ATAD2B: variants seen among roughly 807,000 people sequenced by gnomAD.
ATAD2B encodes the protein ATPase family AAA domain-containing protein 2B.
A neutral mutation model predicts 167.6 loss-of-function variants in ATAD2B; 40 were observed. The observed-to-expected ratio is 0.24, with a 90% CI of 0.19 to 0.31. The LOEUF (loss-of-function observed/expected upper bound fraction) is 0.31, where lower values mean the gene tolerates loss of function less well. Ranked by LOEUF, ATAD2B falls within the 10% of genes least tolerant of loss-of-function variation. The probability of loss-of-function intolerance (pLI) is 1.00; values close to 1 mark genes in which losing one functional copy is unlikely to be tolerated. For synonymous variants in ATAD2B, 579 were observed against 596.5 expected (o/e 0.97, Z 0.43); for missense variants, 1,242 against 1,757.2 (o/e 0.71, Z 5.24).
At chr2:23,698,568 A>AATT in the ATAD2B span, among the ~76,000 whole-genome samples, 73,830 of 151,710 alleles carry the variant, frequency 0.49, 18,689 homozygotes, top group East Asian at 0.79. Context: ...GGTGCATTAT[A>AATT]ATTATATTAC....
intron 27 of ATAD2B, among the ~76,000 whole-genome samples, chr2:23,752,776 C>A (rs547526993): frequency 1.5e-4 from 23 of 152,184 alleles, no homozygotes; most frequent in Non-Finnish European, 2.9e-4. Flanking sequence ...TGTGTTCCCA[C>A]TTCTATTCAC....
At chr2:23,721,233 C>G in the ATAD2B span, among the ~76,000 whole-genome samples, 1 of 152,178 alleles carries the variant, frequency 6.6e-6, no homozygotes, top group Non-Finnish European at 1.5e-5. Context: ...TAATAGCCCT[C>G]AGGTGCCCCA....
chr2:23,917,337 T>C (rs543599428), intron 1 of ATAD2B, among the ~76,000 whole-genome samples: 2 of 152,340 alleles, frequency 1.3e-5, no homozygotes, highest in Non-Finnish European at 1.5e-5. Context: ...AGAATACAGA[T>C]ATAAACTAAC....
chr2:23,722,109 C>T, the ATAD2B span, among the ~76,000 whole-genome samples: 18 of 152,310 alleles, frequency 1.2e-4, no homozygotes, highest in Non-Finnish European at 2.2e-4. Flanking sequence ...AAATCTTTCC[C>T]TATGAAACCT....
At chr2:23,899,604 T>A (rs1183227325) in intron 1 of ATAD2B, among the ~76,000 whole-genome samples, 1 of 152,120 alleles carries the variant, frequency 6.6e-6, no homozygotes. Flanking sequence ...TTCTTTTTTT[T>A]CTCTGAGATG....
chr2:23,834,735 C>T (rs930086501), intron 13 of ATAD2B, among the ~76,000 whole-genome samples: 1 of 150,826 alleles, frequency 6.6e-6, no homozygotes, highest in Non-Finnish European at 1.5e-5. Flanking sequence ...CTAAACAATA[C>T]AAAGACAAAT....
chr2:23,767,802 A>G (rs989150386), intron 22 of ATAD2B, among the ~76,000 whole-genome samples: 2 of 152,194 alleles, frequency 1.3e-5, no homozygotes, highest in African/African-American at 2.4e-5. Context: ...GATAAAGTAG[A>G]TAAGAGGGTA....
chr2:23,748,135 G>T (rs1253301154), downstream of ATAD2B, among the ~76,000 whole-genome samples: 5 of 152,018 alleles, frequency 3.3e-5, no homozygotes, highest in African/African-American at 1.2e-4. Context: ...ACAAAAGTAA[G>T]AATTTATATT....
chr2:23,691,719 C>G, the ATAD2B span: 40 of 1,551,670 alleles, frequency 2.6e-5, no homozygotes, highest in African/African-American at 1.2e-4. Context: ...AGCTGGAGCT[C>G]GTCCTGTCGA....
At chr2:23,884,189 A>G (rs1698368971) in intron 6 of ATAD2B, among the ~76,000 whole-genome samples, 1 of 152,062 alleles carries the variant, frequency 6.6e-6, no homozygotes, top group South Asian at 2.1e-4. Context: ...CTATAGGTGT[A>G]CTGTTCATCA....
intron 18 of ATAD2B, among the ~76,000 whole-genome samples, chr2:23,801,377 A>T (rs1683470205): frequency 6.6e-6 from 1 of 152,168 alleles, no homozygotes; most frequent in African/African-American, 2.4e-5. Context: ...AATATAGCCT[A>T]GTTTCAATGA....
At chr2:23,764,323 T>C (rs1677127366) in intron 23 of ATAD2B, among the ~76,000 whole-genome samples, 1 of 152,240 alleles carries the variant, frequency 6.6e-6, no homozygotes, top group Non-Finnish European at 1.5e-5. Context: ...CTATTGCCTA[T>C]GGCTATCAAA....
At chr2:23,890,277 C>T (rs1001766893) in intron 2 of ATAD2B, among the ~76,000 whole-genome samples, 1 of 151,606 alleles carries the variant, frequency 6.6e-6, no homozygotes, top group African/African-American at 2.4e-5. Context: ...TACTACTACG[C>T]ATCTTCAGAT....
At chr2:23,703,117 CCTTG>C in the ATAD2B span, 12 of 1,187,794 alleles carry the variant, frequency 1.0e-5, no homozygotes, top group Non-Finnish European at 1.2e-5. Context: ...AGTTTGCTGC[CCTTG>C]CTTGTGACCT....
At chr2:23,788,415 C>G in intron 20 of ATAD2B, 97 bp downstream of exon 20, 1 of 1,336,006 alleles carries the variant, frequency 7.5e-7, no homozygotes, top group Non-Finnish European at 1.0e-6. Flanking sequence ...AAACTGTCCT[C>G]ACTTCCAAGA....
chr2:23,706,519 G>A, the ATAD2B span: 7 of 1,535,354 alleles, frequency 4.6e-6, no homozygotes, highest in Non-Finnish European at 6.1e-6. Context: ...GCAACTGGAG[G>A]TATTGTCAGC....
chr2:23,833,390 GAAA>G (rs11369516), intron 14 of ATAD2B, among the ~76,000 whole-genome samples: 3 of 151,492 alleles, frequency 2.0e-5, no homozygotes, highest in African/African-American at 7.3e-5. Flanking sequence ...GTTGAATTGG[GAAA>G]AAAAAATTTG....
chr2:23,908,904 C>G (rs1213357076), intron 1 of ATAD2B, among the ~76,000 whole-genome samples: 2 of 146,816 alleles, frequency 1.4e-5, no homozygotes, highest in Admixed American at 1.4e-4. Flanking sequence ...AAACAAACAC[C>G]GCATATTCTC....
At chr2:23,837,941 G>A (rs1690273153) in intron 13 of ATAD2B, among the ~76,000 whole-genome samples, 1 of 152,274 alleles carries the variant, frequency 6.6e-6, no homozygotes, top group South Asian at 2.1e-4. Flanking sequence ...AATTATAACA[G>A]AAACTGTAGT....
Sources: gnomAD v4.1 joint callset for allele counts (sites outside exome capture counted in the v4.1 genomes callset) on GRCh38, gnomAD v4.1.1 for gene constraint, MANE v1.5 for transcripts, NCBI Gene and HGNC (gene_info 2026-07-23, HGNC 2026-07-21) for gene names.